AGAP1: variants seen among roughly 807,000 people sequenced by gnomAD.
AGAP1 encodes the protein arf-GAP with GTPase, ANK repeat and PH domain-containing protein 1.
Under a neutral mutation model 105.3 loss-of-function variants are expected in AGAP1, and 29 were observed. That is an observed-to-expected ratio of 0.28 (90% confidence interval 0.21 to 0.38). The LOEUF (loss-of-function observed/expected upper bound fraction) is 0.38, where lower values mean the gene tolerates loss of function less well. Ranked by LOEUF, AGAP1 falls within the 10% of genes least tolerant of loss-of-function variation. The pLI, the probability that AGAP1 is intolerant of heterozygous loss-of-function variation, is 1.00. For missense variants in AGAP1, 998 were observed against 1,165.1 expected, an observed-to-expected ratio of 0.86 and a Z score of 2.09; for synonymous variants, 509 against 485.9, an observed-to-expected ratio of 1.05 and a Z score of -0.63.
intron 6 of AGAP1, among the ~76,000 whole-genome samples, chr2:235,786,607 G>C (rs1374904294): frequency 6.6e-6 from 1 of 152,188 alleles, no homozygotes; most frequent in African/African-American, 2.4e-5. Context: ...TTTTTATCGA[G>C]ATTGTTGTAG....
At chr2:235,560,614 A>G (rs1944116068) in intron 1 of AGAP1, among the ~76,000 whole-genome samples, 2 of 152,152 alleles carry the variant, frequency 1.3e-5, no homozygotes, top group Admixed American at 1.3e-4. Context: ...GAGTTGCAGC[A>G]CTGTTGGCTT....
At chr2:236,043,611 C>T (rs1211999932) in intron 15 of AGAP1, among the ~76,000 whole-genome samples, 5 of 51,706 alleles carry the variant, frequency 9.7e-5, no homozygotes, top group South Asian at 6.2e-4. Flanking sequence ...CCTGTAATCC[C>T]GGCTACTTGG....
At chr2:235,798,658 G>A (rs754159900) in intron 7 of AGAP1, among the ~76,000 whole-genome samples, 20 of 152,008 alleles carry the variant, frequency 1.3e-4, no homozygotes, top group Non-Finnish European at 2.9e-4. Context: ...CAGGTGGATC[G>A]CTTGAGCTCA....
At chr2:235,589,960 A>G (rs957944934) in intron 1 of AGAP1, among the ~76,000 whole-genome samples, 1 of 151,666 alleles carries the variant, frequency 6.6e-6, no homozygotes, top group Non-Finnish European at 1.5e-5. Context: ...AGCTCATGGC[A>G]GCCTCTGCCT....
In AGAP1 at chr2:236,038,962, G is replaced by A. The variant is rs752294291; in HGVS notation, c.1801-1789G>A. 6.6e-6 allele frequency among the ~76,000 whole-genome samples: 1 copy of A among 152,098 alleles called. No individual in the cohort carries two copies. The highest frequency in any genetic ancestry group is 1.5e-5 in the Non-Finnish European group (1 of 68,024). ...AATAACGCATGATGCTAATTAGACA[G>A]TAGTGATTAATACATTATAATTTAT... On this transcript the variant is annotated intron_variant, in intron 14 of 17. Transcript: ENST00000304032. This position sits in a 1 kb window ranked among gnomAD's most constrained non-coding sequence, Gnocchi z 4.5.
At chr2:236,052,403 T>C (rs2057927731) in intron 16 of AGAP1, among the ~76,000 whole-genome samples, 1 of 152,100 alleles carries the variant, frequency 6.6e-6, no homozygotes, top group Non-Finnish European at 1.5e-5. Flanking sequence ...CGCCGCACAC[T>C]GGAGTCACCT....
intron 12 of AGAP1, among the ~76,000 whole-genome samples, chr2:235,941,991 G>C (rs1033348702): frequency 3.3e-5 from 5 of 152,126 alleles, no homozygotes; most frequent in Admixed American, 6.5e-5. Context: ...GATGGATGTG[G>C]CCCAGAACTC....
rs1173714213 is a variant in AGAP1, at chr2:235,901,870, C to T, written c.1156-6868C>T. ...CTCCAGCCTGGGCGACAGAGTGAGA[C>T]TCCGTCTCGGAAAAAAAAAAAAAAA... On this transcript the variant is annotated intron_variant, in intron 10 of 17. Coordinates refer to ENST00000304032, the MANE Select transcript of AGAP1 (RefSeq NM_001037131.3). The surrounding 1 kb of genome is among the most constrained non-coding windows in gnomAD (Gnocchi z 4.3). 1.7e-5 allele frequency among the ~76,000 whole-genome samples: 2 copies of T among 120,078 alleles called. No individual in the cohort carries two copies. Among genetic ancestry groups the T allele is most frequent in the East Asian group, 2.8e-4 (1 of 3,540 alleles). 78.8% of individuals were successfully genotyped at this position (120,078 alleles called of 152,430 possible). A position where few individuals can be genotyped will look rare whatever the true frequency, so the allele number is the denominator to read the frequency against.
rs1328354189 is a variant in AGAP1, at chr2:235,977,518, G to A, written c.1645+8895G>A. ...TTCAGCAGCAAGGTATGAGAGGTCCGCATCTCATGCACGAGGGTGTTTTTC... is the reference window on the plus strand; with the variant it reads ...TTCAGCAGCAAGGTATGAGAGGTCCACATCTCATGCACGAGGGTGTTTTTC... On this transcript the variant is annotated intron_variant, in intron 13 of 17. Coordinates refer to ENST00000304032, the MANE Select transcript of AGAP1 (RefSeq NM_001037131.3). This position sits in a 1 kb window ranked among gnomAD's most constrained non-coding sequence, Gnocchi z 5.2. Among the ~76,000 whole-genome samples the A allele has an allele frequency of 1.3e-5, 2 of 152,124 alleles. No homozygotes were observed. The highest frequency in any genetic ancestry group is 4.8e-5 in the African/African-American group (2 of 41,414).
chr2:235,539,443 G>A (rs1411324257), intron 1 of AGAP1, among the ~76,000 whole-genome samples: 1 of 152,230 alleles, frequency 6.6e-6, no homozygotes, highest in African/African-American at 2.4e-5. Context: ...CTTGTGAGGG[G>A]TGCTGGCCTG....
intron 6 of AGAP1, among the ~76,000 whole-genome samples, chr2:235,767,686 C>T (rs188646675): frequency 1.3e-5 from 2 of 151,996 alleles, no homozygotes; most frequent in African/African-American, 2.4e-5. Context: ...TGCTGTGTTC[C>T]CTGTGGGGTT....
chr2:235,886,501 C>A (rs541146841), intron 10 of AGAP1, among the ~76,000 whole-genome samples: 12 of 152,340 alleles, frequency 7.9e-5, no homozygotes, highest in African/African-American at 2.6e-4. Flanking sequence ...AAAAATTCTC[C>A]TATCCACAGG....
chr2:236,118,015 G>C (rs116813596), intron 16 of AGAP1, among the ~76,000 whole-genome samples: 1 of 152,124 alleles, frequency 6.6e-6, no homozygotes, highest in Admixed American at 6.5e-5. Context: ...TCACTCACAT[G>C]TACCAGGAAG....
Position 236,003,956 on chromosome 2 carries a change from G to A in AGAP1, c.1646-32605G>A, listed in dbSNP as rs1576029686. ...CTGGACTCCATGGCTCTGTGGAATGGGCGGTTTAGTATTCCTTTTTCTGGC... is the reference window on the plus strand; with the variant it reads ...CTGGACTCCATGGCTCTGTGGAATGAGCGGTTTAGTATTCCTTTTTCTGGC... On this transcript the variant is annotated intron_variant, in intron 13 of 17. Coordinates refer to ENST00000304032, the MANE Select transcript of AGAP1 (RefSeq NM_001037131.3). The surrounding 1 kb of genome is among the most constrained non-coding windows in gnomAD (Gnocchi z 4.2). Among the ~76,000 whole-genome samples the A allele has an allele frequency of 6.6e-6, 1 of 152,142 alleles. No homozygotes were observed. The highest frequency in any genetic ancestry group is 2.4e-5 in the African/African-American group (1 of 41,416).
chr2:236,039,296 A>C (rs1308357794), intron 14 of AGAP1, among the ~76,000 whole-genome samples: 1 of 152,080 alleles, frequency 6.6e-6, no homozygotes, highest in Non-Finnish European at 1.5e-5. Flanking sequence ...AAAATTTTTA[A>C]ATAGCCAGGT....
intron 9 of AGAP1, among the ~76,000 whole-genome samples, chr2:235,847,525 G>A (rs1317237737): frequency 6.6e-6 from 1 of 152,060 alleles, no homozygotes; most frequent in African/African-American, 2.4e-5. Context: ...GATATGACAG[G>A]GTTAAAATGA....
Position 235,956,627 on chromosome 2 carries a change from G to A in AGAP1, c.1484-11835G>A, listed in dbSNP as rs564134845. On this transcript the variant is annotated intron_variant, in intron 12 of 17. Coordinates refer to ENST00000304032, the MANE Select transcript of AGAP1 (RefSeq NM_001037131.3). ...AGCAGAGGAGTATGACCTGGGAGGC[G>A]AGAACACAGAGAAGCTTGAGAAGCC... Among the ~76,000 whole-genome samples, 9 of 152,348 alleles carry A rather than the reference G, an allele frequency of 5.9e-5. No homozygotes were observed. The South Asian group carries it at 1.2e-3, about 21-fold the overall frequency.
chr2:235,899,246 C>T (rs898520587), intron 10 of AGAP1, among the ~76,000 whole-genome samples: 1 of 152,194 alleles, frequency 6.6e-6, no homozygotes, highest in African/African-American at 2.4e-5. Flanking sequence ...GGCGCGGTGG[C>T]TCGCACCTGT....
chr2:235,973,337 G>A lies in AGAP1; in HGVS notation c.1645+4714G>A, dbSNP rs534995057. 6.6e-6 allele frequency among the ~76,000 whole-genome samples: 1 copy of A among 152,300 alleles called. No individual in the cohort carries two copies. Among genetic ancestry groups the A allele is most frequent in the African/African-American group, 2.4e-5 (1 of 41,570 alleles). The stretch of plus-strand genomic sequence containing the variant: ...GGAATCTGGAAAGTTACAGAAGCAG[G>A]GACGGTGACTGGAGAATCCCTTATC... On this transcript the variant is annotated intron_variant, in intron 13 of 17. Transcript: ENST00000304032. This position sits in a 1 kb window ranked among gnomAD's most constrained non-coding sequence, Gnocchi z 4.7.
Sources: allele counts gnomAD v4.1 joint callset (sites outside exome capture counted in the v4.1 genomes callset), GRCh38; gene constraint gnomAD v4.1.1; non-coding constraint Gnocchi (gnomAD v3.1); transcripts MANE v1.5; gene names NCBI Gene and HGNC (gene_info 2026-07-23, HGNC 2026-07-21).